C11orf65: variants seen among roughly 807,000 people sequenced by gnomAD.
C11orf65 encodes the protein chromosome 11 open reading frame 65.
A neutral mutation model predicts 35.3 loss-of-function variants in C11orf65; 38 were observed. The observed-to-expected ratio is 1.08, with a 90% CI of 0.83 to 1.41. C11orf65 has a LOEUF of 1.41. Ranked by LOEUF, C11orf65 falls within the 40% of genes most tolerant of loss-of-function variation. The probability of loss-of-function intolerance (pLI) is 0.00; values close to 1 mark genes in which losing one functional copy is unlikely to be tolerated. For missense variants in C11orf65, 370 were observed against 367.1 expected (o/e 1.01, Z -0.06); for synonymous variants, 105 against 114.4 (o/e 0.92, Z 0.53).
chr11:108,460,601 A>G (rs774369811), intron 2 of C11orf65, among the ~76,000 whole-genome samples: 1 of 152,212 alleles, frequency 6.6e-6, no homozygotes, highest in Non-Finnish European at 1.5e-5. Context: ...AAAGGCAAAT[A>G]ATCTTATTAA....
chr11:108,454,501 T>C (rs1188899617), intron 2 of C11orf65, among the ~76,000 whole-genome samples: 2 of 152,184 alleles, frequency 1.3e-5, no homozygotes, highest in Non-Finnish European at 2.9e-5. Context: ...TTTCTCCATG[T>C]TGGTCAGTCT....
intron 2 of C11orf65, among the ~76,000 whole-genome samples, chr11:108,457,582 G>T (rs890768223): frequency 6.6e-5 from 10 of 152,102 alleles, no homozygotes; most frequent in African/African-American, 2.4e-4. Context: ...GGCGAAGGTT[G>T]CAGTGAGCCG....
chr11:108,387,346 G>A (rs780226956), intron 7 of C11orf65, among the ~76,000 whole-genome samples: 37 of 151,034 alleles, frequency 2.4e-4, no homozygotes, highest in Non-Finnish European at 4.4e-4. Flanking sequence ...GTACAGACAG[G>A]GTTTCACCAT....
At chr11:108,436,575 T>C (rs1203886602) in intron 2 of C11orf65, among the ~76,000 whole-genome samples, 2 of 152,206 alleles carry the variant, frequency 1.3e-5, no homozygotes, top group African/African-American at 2.4e-5. Context: ...TTTGTATGGA[T>C]GCCAAGGTGA....
downstream of C11orf65, among the ~76,000 whole-genome samples, chr11:108,326,866 C>T (rs759213311): frequency 1.3e-5 from 2 of 152,144 alleles, no homozygotes; most frequent in Admixed American, 6.5e-5. Flanking sequence ...TGCTCTGTCA[C>T]CCAGGCTGGA....
At chr11:108,344,457 G>A (rs1235896667) in intron 2 of C11orf65, among the ~76,000 whole-genome samples, 1 of 152,188 alleles carries the variant, frequency 6.6e-6, no homozygotes, top group Non-Finnish European at 1.5e-5. Context: ...TCAAAAGATG[G>A]AGTGTTGCTT....
chr11:108,394,792 G>A (rs1283602639), intron 6 of C11orf65, among the ~76,000 whole-genome samples: 1 of 152,164 alleles, frequency 6.6e-6, no homozygotes, highest in Non-Finnish European at 1.5e-5. Context: ...TACATAATCT[G>A]CTAAATAACC....
chr11:108,348,481 A>G (rs1032841089), intron 2 of C11orf65, among the ~76,000 whole-genome samples: 3 of 151,474 alleles, frequency 2.0e-5, no homozygotes, highest in East Asian at 2.0e-4. Context: ...TTTGTAAATA[A>G]TAAGAAAGTG....
chr11:108,352,664 T>C (rs227040), intron 2 of C11orf65, among the ~76,000 whole-genome samples: 82,088 of 152,036 alleles, frequency 0.54, 22,696 homozygotes, highest in Middle Eastern at 0.75. Flanking sequence ...ATCCAGATGT[T>C]CTACAGTGGG....
intron 2 of C11orf65, among the ~76,000 whole-genome samples, chr11:108,336,576 GTGT>G (rs1057514674): frequency 1.3e-5 from 2 of 151,988 alleles, no homozygotes; most frequent in African/African-American, 2.4e-5. Flanking sequence ...ATGGGCATTT[GTGT>G]TGTTTTCAGT....
chr11:108,410,711 CTT>C (rs35785036), intron 3 of C11orf65, among the ~76,000 whole-genome samples: 3 of 136,598 alleles, frequency 2.2e-5, no homozygotes. Context: ...CTTCCTTTTA[CTT>C]TTTTTTTTTT....
At chr11:108,345,841 C>G (rs767845728) in intron 2 of C11orf65, 5 of 1,613,840 alleles carry the variant, frequency 3.1e-6, no homozygotes, top group Non-Finnish European at 4.2e-6. Flanking sequence ...TGGAAAAATT[C>G]TTGGATCCAG....
At chr11:108,389,995 G>GT (rs911762173) in intron 7 of C11orf65, among the ~76,000 whole-genome samples, 18 of 34,548 alleles carry the variant, frequency 5.2e-4, no homozygotes, top group East Asian at 1.9e-3. Flanking sequence ...CGCCTGGCTG[G>GT]TTTTTTTTTT....
chr11:108,381,935 GCT>G (rs34839130), downstream of C11orf65, among the ~76,000 whole-genome samples: 21 of 149,992 alleles, frequency 1.4e-4, no homozygotes, highest in East Asian at 2.0e-4. Context: ...CTTCCTCCTT[GCT>G]CTCTCTCTCT....
chr11:108,446,156 T>C lies in C11orf65; in HGVS notation c.82-14318A>G, dbSNP rs554210682. 5.9e-5 allele frequency among the ~76,000 whole-genome samples: 9 copies of C among 152,174 alleles called. No individual in the cohort carries two copies. The East Asian group carries it at 7.7e-4, about 13-fold the overall frequency. On this transcript the variant is annotated intron_variant, in intron 2 of 8. Coordinates refer to ENST00000393084, the MANE Select transcript of C11orf65 (RefSeq NM_152587.5). Reference sequence around the variant, plus strand: ...GTGAAAAGACCAAATCTACGTCTGATTGGTGTACCTGAAAGTGATGGGGAG... The same window carrying C: ...GTGAAAAGACCAAATCTACGTCTGACTGGTGTACCTGAAAGTGATGGGGAG...
intron 2 of C11orf65, among the ~76,000 whole-genome samples, chr11:108,434,483 T>C (rs4753841): frequency 1 from 149,836 of 150,242 alleles, 74,716 homozygotes; most frequent in Middle Eastern, 1. Context: ...CCAGCCTGGG[T>C]GACAGAGGGA....
At chr11:108,331,625 G>A in intron 3 of C11orf65, 1 of 1,432,040 alleles carries the variant, frequency 7.0e-7, no homozygotes, top group African/African-American at 1.5e-5. Context: ...ATTATATAAA[G>A]TATATATACC....
intron 6 of C11orf65, chr11:108,315,960 G>A (rs2136124434): frequency 6.2e-7 from 1 of 1,607,110 alleles, no homozygotes. Flanking sequence ...GTTTATGAAG[G>A]AGTTATGTGT....
chr11:108,464,232 A>G (rs1417794465), intron 1 of C11orf65, among the ~76,000 whole-genome samples: 1 of 152,116 alleles, frequency 6.6e-6, no homozygotes, highest in South Asian at 2.1e-4. Context: ...CAGCGGCAAC[A>G]ATTTTTGTAG....
Sources: allele counts gnomAD v4.1 joint callset (sites outside exome capture counted in the v4.1 genomes callset), GRCh38; gene constraint gnomAD v4.1.1; transcripts MANE v1.5; gene names NCBI Gene and HGNC (gene_info 2026-07-23, HGNC 2026-07-21).